Variants in LRMDA observed in about 807,000 individuals in gnomAD.
The protein encoded by LRMDA is leucine rich melanocyte differentiation associated.
In LRMDA, 18 loss-of-function variants were observed where a neutral mutation model predicts 29.8. That is an observed-to-expected ratio of 0.60 (90% confidence interval 0.42 to 0.90). The LOEUF is 0.90. Ranked by LOEUF, LRMDA falls within the 40% of genes least tolerant of loss-of-function variation. The pLI, the probability that LRMDA is intolerant of heterozygous loss-of-function variation, is 0.00. For missense variants in LRMDA, 273 were observed against 273.9 expected, an observed-to-expected ratio of 1.00 and a Z score of 0.02; for synonymous variants, 125 against 109.4, an observed-to-expected ratio of 1.14 and a Z score of -0.89.
chr10:75,891,738 T>G (rs1182949292), intron 2 of LRMDA, among the ~76,000 whole-genome samples: 1 of 152,146 alleles, frequency 6.6e-6, no homozygotes, highest in Admixed American at 6.5e-5. Flanking sequence ...TCTGGATGTT[T>G]TAGAAGAAAG....
chr10:75,463,652 A>G (rs1165695015), intron 2 of LRMDA, among the ~76,000 whole-genome samples: 1 of 151,448 alleles, frequency 6.6e-6, no homozygotes, highest in East Asian at 1.9e-4. Flanking sequence ...CACACCAGCT[A>G]ATTTTTTGTT....
At chr10:76,038,981 C>T (rs1848298398) in intron 3 of LRMDA, among the ~76,000 whole-genome samples, 1 of 152,180 alleles carries the variant, frequency 6.6e-6, no homozygotes, top group South Asian at 2.1e-4. Flanking sequence ...TGACCTCACT[C>T]ATATGTCTGG....
intron 6 of LRMDA, among the ~76,000 whole-genome samples, chr10:76,529,696 C>T (rs866036172): frequency 5.9e-5 from 9 of 152,212 alleles, no homozygotes; most frequent in South Asian, 4.1e-4. Flanking sequence ...CAGAGCTCTT[C>T]GGGCTCCTGA....
intron 2 of LRMDA, among the ~76,000 whole-genome samples, chr10:75,784,925 G>T (rs1208119339): frequency 6.6e-6 from 1 of 152,150 alleles, no homozygotes; most frequent in African/African-American, 2.4e-5. Flanking sequence ...GGGTCTTCGG[G>T]TAAATAGCCT....
intron 2 of LRMDA, among the ~76,000 whole-genome samples, chr10:75,487,136 G>T (rs1844925290): frequency 6.6e-6 from 1 of 152,142 alleles, no homozygotes; most frequent in African/African-American, 2.4e-5. Context: ...GGAAGTGAAG[G>T]TATTTAAATA....
chr10:75,696,779 C>T (rs1241373191), intron 2 of LRMDA, among the ~76,000 whole-genome samples: 2 of 152,106 alleles, frequency 1.3e-5, no homozygotes, highest in African/African-American at 4.8e-5. Context: ...AATGTGATTT[C>T]CTCCTTCTGC....
chr10:76,130,207 A>G (rs764011749), intron 5 of LRMDA, among the ~76,000 whole-genome samples: 1 of 151,786 alleles, frequency 6.6e-6, no homozygotes, highest in Admixed American at 6.6e-5. Flanking sequence ...TTCATACCCA[A>G]TCTCCACTTA....
intron 2 of LRMDA, among the ~76,000 whole-genome samples, chr10:75,693,368 G>A (rs1465019018): frequency 6.6e-6 from 1 of 152,150 alleles, no homozygotes; most frequent in East Asian, 1.9e-4. Flanking sequence ...ATAGCAAAAG[G>A]ATGTTATGGG....
chr10:76,102,662 G>A (rs1422411151), intron 5 of LRMDA, among the ~76,000 whole-genome samples: 1 of 151,702 alleles, frequency 6.6e-6, no homozygotes, highest in Non-Finnish European at 1.5e-5. Flanking sequence ...TTTTTTGTTT[G>A]TTTGTTTTGA....
At chr10:76,064,315 G>T (rs1848749532) in intron 5 of LRMDA, among the ~76,000 whole-genome samples, 1 of 152,138 alleles carries the variant, frequency 6.6e-6, no homozygotes, top group South Asian at 2.1e-4. Context: ...GGGAGGCAAG[G>T]GTGTGATCTG....
intron 2 of LRMDA, among the ~76,000 whole-genome samples, chr10:75,510,278 A>G (rs908697024): frequency 6.6e-6 from 1 of 152,170 alleles, no homozygotes; most frequent in Non-Finnish European, 1.5e-5. Flanking sequence ...GCCCAAATGT[A>G]AGGAAAAAAG....
At chr10:76,157,751 A>G (rs1850565621) in intron 5 of LRMDA, among the ~76,000 whole-genome samples, 1 of 152,124 alleles carries the variant, frequency 6.6e-6, no homozygotes, top group Non-Finnish European at 1.5e-5. Flanking sequence ...GGCATGTGTC[A>G]CTTAGCAATG....
At chr10:75,900,427 A>T (rs1589246413) in intron 2 of LRMDA, among the ~76,000 whole-genome samples, 1 of 152,188 alleles carries the variant, frequency 6.6e-6, no homozygotes, top group East Asian at 1.9e-4. Context: ...GGAGGTGTTT[A>T]TGGTTCCCGG....
chr10:76,449,916 A>G (rs895990560), intron 6 of LRMDA, among the ~76,000 whole-genome samples: 2 of 152,072 alleles, frequency 1.3e-5, no homozygotes, highest in African/African-American at 2.4e-5. Context: ...TTTTAAAAAT[A>G]TATGACTTTT....
chr10:75,940,882 G>A (rs1158884266), intron 2 of LRMDA, among the ~76,000 whole-genome samples: 2 of 152,068 alleles, frequency 1.3e-5, no homozygotes, highest in African/African-American at 4.8e-5. Flanking sequence ...CCTTACAGTT[G>A]TGTGTAGCTA....
At chr10:76,524,210 T>A (rs1361059191) in intron 6 of LRMDA, among the ~76,000 whole-genome samples, 1 of 152,144 alleles carries the variant, frequency 6.6e-6, no homozygotes, top group Non-Finnish European at 1.5e-5. Context: ...AGGGAGCAAA[T>A]GTCAGCTTAA....
chr10:75,715,891 C>T (rs1337967772), intron 2 of LRMDA, among the ~76,000 whole-genome samples: 2 of 147,220 alleles, frequency 1.4e-5, no homozygotes, highest in Non-Finnish European at 1.5e-5. Context: ...AATGTCTGCT[C>T]CATATGAGTA....
At chr10:75,558,167 T>G (rs1840240393) in intron 2 of LRMDA, among the ~76,000 whole-genome samples, 1 of 151,920 alleles carries the variant, frequency 6.6e-6, no homozygotes, top group Admixed American at 6.6e-5. Context: ...TTTTTTTTTT[T>G]TTTTTTTGGT....
chr10:75,899,663 CT>C (rs905328691), intron 2 of LRMDA, among the ~76,000 whole-genome samples: 4 of 152,164 alleles, frequency 2.6e-5, no homozygotes, highest in African/African-American at 9.7e-5. Flanking sequence ...CAACTACAAC[CT>C]CTTAGATTTG....
Sources: gnomAD v4.1 joint callset for allele counts (sites outside exome capture counted in the v4.1 genomes callset) on GRCh38, gnomAD v4.1.1 for gene constraint, MANE v1.5 for transcripts, NCBI Gene and HGNC (gene_info 2026-07-23, HGNC 2026-07-21) for gene names.